THSD7B: variants seen among roughly 807,000 people sequenced by gnomAD.
THSD7B encodes the protein thrombospondin type-1 domain-containing protein 7B.
THSD7B carries 138 observed loss-of-function variants against 213.6 expected under a neutral mutation model. That is an observed-to-expected ratio of 0.65 (90% CI 0.56 to 0.74). The LOEUF is 0.74. Ranked by LOEUF, THSD7B falls within the 30% of genes least tolerant of loss-of-function variation. The pLI is 0.00. For missense variants in THSD7B, 1,931 were observed against 1,991.5 expected (o/e 0.97, Z 0.58); for synonymous variants, 742 against 687.0 (o/e 1.08, Z -1.25).
chr2:137,229,559 G>C (rs138457994), intron 7 of THSD7B, among the ~76,000 whole-genome samples: 1 of 152,186 alleles, frequency 6.6e-6, no homozygotes, highest in Non-Finnish European at 1.5e-5. Context: ...GATATTAGCT[G>C]TGCACTATCT....
intron 12 of THSD7B, among the ~76,000 whole-genome samples, chr2:137,362,366 C>T (rs910416014): frequency 2.0e-5 from 3 of 152,184 alleles, no homozygotes; most frequent in Non-Finnish European, 4.4e-5. Flanking sequence ...ATGATGGGAT[C>T]AAATTCACAC....
At position 137,673,262 on chromosome 2, in the gene THSD7B, A is replaced by ACT. The variant is rs1418279284; in HGVS notation, c.4740-3261_4740-3260dup. ...AATGCAAATGACCCTAAAAGAGGTA[A>ACT]CTTTAAAATGTGTCTGCCAGTGATC... is the stretch of plus-strand genomic sequence containing the variant. On this transcript the variant is annotated intron_variant, in intron 27 of 27. Transcript: ENST00000409968. Among the ~76,000 whole-genome samples, 3 of 107,866 alleles carry ACT rather than the reference A, an allele frequency of 2.8e-5. No individual in the cohort carries two copies. In the East Asian group the frequency reaches 8.9e-4, roughly 32 times the overall value. The allele number at this position is 107,866 out of a possible 152,430, so 70.8% of individuals were successfully genotyped here. A position where few individuals can be genotyped will look rare whatever the true frequency, so the allele number is the denominator to read the frequency against.
intron 1 of THSD7B, among the ~76,000 whole-genome samples, chr2:136,849,191 G>A (rs1683057163): frequency 6.6e-6 from 1 of 152,122 alleles, no homozygotes; most frequent in African/African-American, 2.4e-5. Flanking sequence ...CATCAATGTT[G>A]TTTGAAGGAA....
intron 2 of THSD7B, among the ~76,000 whole-genome samples, chr2:136,898,579 G>GCCCCCC (rs112016812): frequency 3.1e-4 from 36 of 116,668 alleles, no homozygotes; most frequent in South Asian, 5.6e-4. Flanking sequence ...TTGTCCCCCC[G>GCCCCCC]CCCCCCCGCC....
chr2:137,135,270 C>A (rs1489213304), intron 5 of THSD7B, among the ~76,000 whole-genome samples: 1 of 152,154 alleles, frequency 6.6e-6, no homozygotes, highest in African/African-American at 2.4e-5. Flanking sequence ...TCTTAGCTTT[C>A]TTTAGCATTT....
At chr2:137,517,748 G>A (rs1680098522) in intron 15 of THSD7B, among the ~76,000 whole-genome samples, 1 of 152,194 alleles carries the variant, frequency 6.6e-6, no homozygotes, top group Non-Finnish European at 1.5e-5. Flanking sequence ...ATCAGTGGCA[G>A]ATAGGGATGC....
At chr2:137,008,749 T>TA (rs201327393) in intron 2 of THSD7B, among the ~76,000 whole-genome samples, 10 of 152,224 alleles carry the variant, frequency 6.6e-5, no homozygotes, top group East Asian at 1.9e-4. Context: ...CAGAGTATAA[T>TA]AAAAAAAATC....
rs1350608789 is a variant in THSD7B, at chr2:137,111,996, C to T, written c.1200-3128C>T. ...GAAAAGGTCTGGTCTTTGACATGGG[C>T]TTAGCCATTAAAGAGAGTGTTCCAG... is the stretch of plus-strand genomic sequence containing the variant. On this transcript the variant is annotated intron_variant, in intron 4 of 27. Coordinates refer to ENST00000409968, the MANE Select transcript of THSD7B (RefSeq NM_001316349.2). Among the ~76,000 whole-genome samples, 4 of 152,250 alleles carry T rather than the reference C, an allele frequency of 2.6e-5. No individual in the cohort carries two copies. The East Asian group carries it at 7.7e-4, about 29-fold the overall frequency.
chr2:136,854,182 G>GA (rs1217530027), intron 1 of THSD7B, among the ~76,000 whole-genome samples: 7 of 151,882 alleles, frequency 4.6e-5, no homozygotes, highest in African/African-American at 1.2e-4. Context: ...ACAGCTGGGG[G>GA]GGAATAAAAT....
intron 1 of THSD7B, among the ~76,000 whole-genome samples, chr2:136,832,081 T>C (rs1359470301): frequency 6.6e-6 from 1 of 152,146 alleles, no homozygotes; most frequent in Non-Finnish European, 1.5e-5. Flanking sequence ...AATTTGACCA[T>C]AGTACCTTAT....
chr2:137,136,006 C>T (rs1289194301), intron 5 of THSD7B, among the ~76,000 whole-genome samples: 1 of 152,030 alleles, frequency 6.6e-6, no homozygotes, highest in African/African-American at 2.4e-5. Flanking sequence ...TTTTCAGGGA[C>T]ATGAATGAAG....
intron 20 of THSD7B, among the ~76,000 whole-genome samples, chr2:137,638,394 T>G (rs1053673192): frequency 1.3e-5 from 2 of 152,186 alleles, no homozygotes; most frequent in Non-Finnish European, 2.9e-5. Context: ...GTTACCTCCA[T>G]GTAAGAAGTG....
At chr2:137,211,351 C>CACACACACACACAGAGGCACACACACAT (rs1681106438) in intron 7 of THSD7B, among the ~76,000 whole-genome samples, 1 of 66,636 alleles carries the variant, frequency 1.5e-5, no homozygotes, top group Non-Finnish European at 4.1e-5. Flanking sequence ...CACACACACA[C>CACACACACACACAGAGGCACACACACAT]ACACACACAC....
chr2:137,041,621 ATATAT>A (rs1191307787), intron 2 of THSD7B, among the ~76,000 whole-genome samples: 1 of 149,622 alleles, frequency 6.7e-6, no homozygotes, highest in Non-Finnish European at 1.5e-5. Context: ...AATATATGTA[ATATAT>A]TATGCAATAT....
intron 5 of THSD7B, among the ~76,000 whole-genome samples, chr2:137,145,024 A>C (rs1679666455): frequency 6.6e-6 from 1 of 152,040 alleles, no homozygotes; most frequent in Non-Finnish European, 1.5e-5. Context: ...TGTAAGATTC[A>C]AGGAGAGAGC....
intron 7 of THSD7B, among the ~76,000 whole-genome samples, chr2:137,178,186 A>ATTTT (rs34568563): frequency 0.045 from 6,552 of 144,678 alleles, 156 homozygotes; most frequent in Admixed American, 0.067. Context: ...CAGTGAGTAA[A>ATTTT]TTTTTTTTTT....
chr2:137,183,177 T>C (rs1259197318), intron 7 of THSD7B, among the ~76,000 whole-genome samples: 2 of 152,144 alleles, frequency 1.3e-5, no homozygotes, highest in Admixed American at 1.3e-4. Flanking sequence ...ATTAACTCTT[T>C]TGTATTTTAA....
intron 12 of THSD7B, among the ~76,000 whole-genome samples, chr2:137,327,897 G>T (rs898037990): frequency 6.6e-6 from 1 of 152,260 alleles, no homozygotes; most frequent in South Asian, 2.1e-4. Context: ...GAGCCTCTTT[G>T]TGAAAGGTAT....
intron 5 of THSD7B, among the ~76,000 whole-genome samples, chr2:137,158,213 C>G (rs1292049709): frequency 1.3e-5 from 2 of 152,182 alleles, no homozygotes; most frequent in East Asian, 3.8e-4. Flanking sequence ...TTCCTCAACC[C>G]TGGGGATGAA....
Sources: gnomAD v4.1 joint callset for allele counts (sites outside exome capture counted in the v4.1 genomes callset) on GRCh38, gnomAD v4.1.1 for gene constraint, MANE v1.5 for transcripts, NCBI Gene and HGNC (gene_info 2026-07-23, HGNC 2026-07-21) for gene names.